The following C12orf42 variants were observed in gnomAD, a reference collection of about 807,000 sequenced individuals.
The protein encoded by C12orf42 is uncharacterized protein C12orf42.
In C12orf42, 25 loss-of-function variants were observed where a neutral mutation model predicts 21.6. The observed-to-expected ratio is 1.16, with a 90% CI of 0.84 to 1.62. The LOEUF (loss-of-function observed/expected upper bound fraction) is 1.62. Ranked by LOEUF, C12orf42 falls within the 40% of genes most tolerant of loss-of-function variation. The pLI is 0.00. For synonymous variants in C12orf42, 174 were observed against 175.0 expected (o/e 0.99, Z 0.05); for missense variants, 483 against 459.3 (o/e 1.05, Z -0.47).
intron 4 of C12orf42, among the ~76,000 whole-genome samples, chr12:103,279,731 G>T (rs920904486): frequency 1.3e-5 from 2 of 152,218 alleles, no homozygotes; most frequent in Non-Finnish European, 2.9e-5. Context: ...AGCTTGAAAT[G>T]TTAAAGCTGA....
At chr12:103,091,000 CA>C in the C12orf42 span, among the ~76,000 whole-genome samples, 1 of 150,574 alleles carries the variant, frequency 6.6e-6, no homozygotes, top group Non-Finnish European at 1.5e-5. Flanking sequence ...AAAAAGAATA[CA>C]AAAAAACCAC....
chr12:103,375,678 A>T (rs2045631583), intron 3 of C12orf42, among the ~76,000 whole-genome samples: 1 of 152,158 alleles, frequency 6.6e-6, no homozygotes, highest in African/African-American at 2.4e-5. Context: ...ACCCCATTAT[A>T]TTTTATAATT....
At chr12:103,110,473 AT>A in the C12orf42 span, among the ~76,000 whole-genome samples, 1 of 152,234 alleles carries the variant, frequency 6.6e-6, no homozygotes, top group African/African-American at 2.4e-5. Flanking sequence ...GGGAAAGATT[AT>A]CTTCAGATCC....
At position 103,368,585 on chromosome 12, in the gene C12orf42, T is replaced by C. The variant is rs372978604; in HGVS notation, c.259+302A>G. 3.3e-3 allele frequency among the ~76,000 whole-genome samples: 501 copies of C among 152,190 alleles called. 3 individuals are homozygous for C. Among genetic ancestry groups the C allele is most frequent in the African/African-American group, 0.011 (476 of 41,558 alleles). On this transcript the variant is annotated intron_variant, in intron 4 of 5. Transcript: ENST00000548883. The stretch of plus-strand genomic sequence containing the variant: ...AAGCTCTAAGAATCGAATATGCCTA[T>C]AGCTGCCAGGGCATGTTATTGCTAT...
chr12:103,199,910 A>G, the C12orf42 span, among the ~76,000 whole-genome samples: 1 of 152,224 alleles, frequency 6.6e-6, no homozygotes, highest in Middle Eastern at 3.2e-3. Context: ...GCCAATTCAG[A>G]AAACGGTTTG....
At chr12:103,255,206 C>T (rs1274450024) in intron 10 of C12orf42, among the ~76,000 whole-genome samples, 1 of 151,726 alleles carries the variant, frequency 6.6e-6, no homozygotes, top group African/African-American at 2.4e-5. Flanking sequence ...TCCCGTCTCT[C>T]CTAAAAATAC....
the C12orf42 span, among the ~76,000 whole-genome samples, chr12:103,088,421 T>A: frequency 6.6e-6 from 1 of 152,254 alleles, no homozygotes; most frequent in Non-Finnish European, 1.5e-5. Flanking sequence ...TGGCAATTTT[T>A]GTCTCTGAGA....
the C12orf42 span, among the ~76,000 whole-genome samples, chr12:103,165,311 AG>A: frequency 6.6e-6 from 1 of 152,230 alleles, no homozygotes; most frequent in African/African-American, 2.4e-5. Context: ...TATAAAAGAC[AG>A]GCCCTCTCTT....
chr12:103,227,806 T>G, the C12orf42 span, among the ~76,000 whole-genome samples: 562 of 152,268 alleles, frequency 3.7e-3, 3 homozygotes, highest in African/African-American at 0.013. Context: ...GCCGGAGTTT[T>G]GGGTCCACGG....
the C12orf42 span, among the ~76,000 whole-genome samples, chr12:103,134,812 T>C: frequency 6.6e-6 from 1 of 152,172 alleles, no homozygotes; most frequent in Non-Finnish European, 1.5e-5. Context: ...TGGCAAATGA[T>C]AGACAGACTG....
At chr12:103,240,254 A>C (rs148287876) in intron 10 of C12orf42, among the ~76,000 whole-genome samples, 2,436 of 152,298 alleles carry the variant, frequency 0.016, 62 homozygotes, top group African/African-American at 0.053. Context: ...CTCACAGACT[A>C]TATAGTCCAG....
the C12orf42 span, among the ~76,000 whole-genome samples, chr12:103,544,556 C>G: frequency 0.029 from 4,435 of 152,276 alleles, 113 homozygotes; most frequent in East Asian, 0.12. Flanking sequence ...TTTCATCAGT[C>G]CTGGAAAATA....
chr12:103,434,748 C>G (rs1950540589), intron 2 of C12orf42, among the ~76,000 whole-genome samples: 1 of 152,208 alleles, frequency 6.6e-6, no homozygotes, highest in Admixed American at 6.5e-5. Flanking sequence ...TTGGAGGGTC[C>G]TACGCCCACG....
chr12:103,344,940 A>C (rs542367115), intron 4 of C12orf42, among the ~76,000 whole-genome samples: 1 of 152,228 alleles, frequency 6.6e-6, no homozygotes, highest in Non-Finnish European at 1.5e-5. Context: ...CTCTGGGTGA[A>C]TCATTTAACT....
the C12orf42 span, among the ~76,000 whole-genome samples, chr12:103,540,381 TTAC>T: frequency 1.3e-5 from 2 of 152,200 alleles, no homozygotes; most frequent in Non-Finnish European, 2.9e-5. Flanking sequence ...GATCTATCAA[TTAC>T]TAAGAAAGGA....
At chr12:103,102,434 C>G in the C12orf42 span, among the ~76,000 whole-genome samples, 28 of 152,264 alleles carry the variant, frequency 1.8e-4, no homozygotes, top group African/African-American at 6.7e-4. Context: ...TCATTTGGGA[C>G]TGAGCCGTTA....
the C12orf42 span, among the ~76,000 whole-genome samples, chr12:103,108,021 A>G: frequency 6.6e-6 from 1 of 151,604 alleles, no homozygotes; most frequent in African/African-American, 2.4e-5. Context: ...ACTATAATTG[A>G]TTAAAGAAAA....
chr12:103,058,803 C>A, the C12orf42 span, among the ~76,000 whole-genome samples: 9 of 152,132 alleles, frequency 5.9e-5, no homozygotes, highest in East Asian at 1.5e-3. Context: ...AGACAAGGTA[C>A]CAGAATCTCT....
At chr12:103,100,808 G>A in the C12orf42 span, among the ~76,000 whole-genome samples, 1 of 152,186 alleles carries the variant, frequency 6.6e-6, no homozygotes, top group African/African-American at 2.4e-5. Flanking sequence ...GCTTACAAGG[G>A]ATTTTAGATA....
Sources: gnomAD v4.1 joint callset for allele counts (sites outside exome capture counted in the v4.1 genomes callset) on GRCh38, gnomAD v4.1.1 for gene constraint, MANE v1.5 for transcripts, NCBI Gene and HGNC (gene_info 2026-07-23, HGNC 2026-07-21) for gene names.